CNBD2: variants seen among roughly 807,000 people sequenced by gnomAD.
CNBD2 encodes the protein cyclic nucleotide binding domain containing 2.
CNBD2 carries 64 observed loss-of-function variants against 63.7 expected under a neutral mutation model. That is an observed-to-expected ratio of 1.00 (90% confidence interval 0.82 to 1.24). CNBD2 has a LOEUF of 1.24. Among genes scored for constraint, CNBD2 ranks in the 50% most tolerant of loss-of-function variants. The pLI is 0.00. For synonymous variants in CNBD2, 229 were observed against 255.4 expected (o/e 0.90, Z 0.99); for missense variants, 691 against 713.5 (o/e 0.97, Z 0.36).
At chr20:35,954,626 GGC>G (rs1282513491), upstream of CNBD2, 1 of 1,330,300 alleles carries the variant, frequency 7.5e-7, no homozygotes, top group Non-Finnish European at 9.8e-7. Context: ...AGCTGCGCGT[GGC>G]CTGGGCTCCT....
intron 11 of CNBD2, among the ~76,000 whole-genome samples, chr20:36,025,976 A>T (rs2057278078): frequency 6.6e-6 from 1 of 152,168 alleles, no homozygotes. Context: ...TACTATTCAC[A>T]TACTCTAGTG....
upstream of CNBD2, among the ~76,000 whole-genome samples, chr20:35,965,052 C>A (rs2056335076): frequency 6.6e-6 from 1 of 152,160 alleles, no homozygotes; most frequent in African/African-American, 2.4e-5. Context: ...GAGGATTTTA[C>A]TTCCCCACCA....
chr20:35,992,033 A>G (rs1220871331), intron 7 of CNBD2, among the ~76,000 whole-genome samples: 1 of 152,078 alleles, frequency 6.6e-6, no homozygotes, highest in African/African-American at 2.4e-5. Flanking sequence ...GGTGCCCGCC[A>G]CCAGGCCTGG....
At chr20:35,968,224 A>T (rs937711227), upstream of CNBD2, among the ~76,000 whole-genome samples, 2 of 152,150 alleles carry the variant, frequency 1.3e-5, no homozygotes, top group Non-Finnish European at 2.9e-5. Context: ...GGGTTTTTAG[A>T]GTTTTCTAGG....
intron 8 of CNBD2, among the ~76,000 whole-genome samples, chr20:35,997,510 G>A (rs1225066559): frequency 6.6e-6 from 1 of 152,168 alleles, no homozygotes; most frequent in Non-Finnish European, 1.5e-5. Context: ...CATAGGCTTG[G>A]AGTCCACTGC....
chr20:36,010,215 T>C (rs1040684990), intron 9 of CNBD2, among the ~76,000 whole-genome samples: 1 of 152,002 alleles, frequency 6.6e-6, no homozygotes, highest in Admixed American at 6.6e-5. Context: ...GAAATTGAAG[T>C]GTCATAATGA....
chr20:36,008,288 C>T lies in CNBD2; in HGVS notation c.971-9C>T. ...CCATAAGTATCTTTTCCTGTGCTTT[C>T]TCTAACAGAATACTCTCCTATGGAA... is the stretch of plus-strand genomic sequence containing the variant. On this transcript the variant is annotated splice_polypyrimidine_tract_variant and intron_variant, in intron 8 of 11. Transcript: ENST00000373973. 6.3e-7 allele frequency: 1 copy of T among 1,599,212 alleles called. No individual in the cohort carries two copies. The highest frequency in any genetic ancestry group is 8.5e-7 in the Non-Finnish European group (1 of 1,173,948).
At chr20:36,002,841 G>A (rs2056933398) in intron 8 of CNBD2, among the ~76,000 whole-genome samples, 1 of 151,844 alleles carries the variant, frequency 6.6e-6, no homozygotes, top group African/African-American at 2.4e-5. Context: ...AAAATTATTT[G>A]TCTCTCCCTC....
chr20:36,030,319 C>T (rs759968037), intron 11 of CNBD2, 38 bp from the exon 12 acceptor site: 6 of 1,605,454 alleles, frequency 3.7e-6, no homozygotes, highest in Middle Eastern at 1.7e-4. Flanking sequence ...AGGGGCGGGA[C>T]TGGCATGAGA....
chr20:36,017,974 G>C (rs1342902927), intron 10 of CNBD2, among the ~76,000 whole-genome samples: 1 of 152,210 alleles, frequency 6.6e-6, no homozygotes, highest in Non-Finnish European at 1.5e-5. Context: ...TGTTTTAGTG[G>C]TCTTATTTTT....
chr20:35,962,446 G>C (rs2056316200), intron 2 of CNBD2, among the ~76,000 whole-genome samples: 1 of 152,046 alleles, frequency 6.6e-6, no homozygotes, highest in Non-Finnish European at 1.5e-5. Context: ...ATTTTTGATA[G>C]AGATGGGGTT....
chr20:35,968,602 C>A lies in CNBD2; in HGVS notation c.-161C>A. The A allele has an allele frequency of 3.6e-6, 2 of 560,716 alleles. No individual in the cohort carries two copies. Among genetic ancestry groups the A allele is most frequent in the Non-Finnish European group, 6.5e-6 (2 of 309,284 alleles). 34.7% of individuals were successfully genotyped at this position (560,716 alleles called of 1,614,324 possible). On this transcript the variant is annotated 5_prime_UTR_variant, in exon 1 of 12. Transcript: ENST00000373973. Reference sequence around the variant, plus strand: ...AATGATTTTTCTCAGAGCAGGGCTTCCAGTAGCTGATGGTATGGTAGGAGG... The same window carrying A: ...AATGATTTTTCTCAGAGCAGGGCTTACAGTAGCTGATGGTATGGTAGGAGG...
At chr20:35,957,279 A>C (rs2056266009), downstream of CNBD2, among the ~76,000 whole-genome samples, 1 of 152,120 alleles carries the variant, frequency 6.6e-6, no homozygotes, top group Admixed American at 6.5e-5. Flanking sequence ...GGAGGGAATA[A>C]ATGAAACAAG....
rs189438213 is a variant in CNBD2, at chr20:36,017,855, C to T, written c.1270-5747C>T. Among the ~76,000 whole-genome samples the T allele has an allele frequency of 2.3e-3, 344 of 152,294 alleles. 3 individuals are homozygous for T. Among genetic ancestry groups the T allele is most frequent in the African/African-American group, 7.9e-3 (330 of 41,572 alleles). On this transcript the variant is annotated intron_variant, in intron 10 of 11. Coordinates refer to ENST00000373973, the MANE Select transcript of CNBD2 (RefSeq NM_001365709.1). ...CTGCCCCACCTCTGCGCCCACACACCGCTCCTCCTGCCACTCAGCTCTGTC... is the reference window on the plus strand; with the variant it reads ...CTGCCCCACCTCTGCGCCCACACACTGCTCCTCCTGCCACTCAGCTCTGTC...
intron 2 of CNBD2, chr20:35,973,469 G>A (rs1271494492): frequency 6.6e-6 from 1 of 152,286 alleles, no homozygotes; most frequent in Non-Finnish European, 1.5e-5. Context: ...GGAGTGCAGT[G>A]GCGCGTCTTG....
downstream of CNBD2, chr20:35,955,422 C>T (rs2056245330): frequency 6.6e-6 from 1 of 152,160 alleles, no homozygotes; most frequent in Admixed American, 6.5e-5. Flanking sequence ...ATTGCATGTG[C>T]AGTTTACATT....
intron 4 of CNBD2, among the ~76,000 whole-genome samples, chr20:35,981,743 C>T (rs1400751835): frequency 6.6e-6 from 1 of 152,064 alleles, no homozygotes; most frequent in Non-Finnish European, 1.5e-5. Context: ...CCTGGCTTGC[C>T]TCTTTCCTAC....
chr20:36,011,500 C>CCA (rs2057061266), intron 10 of CNBD2, among the ~76,000 whole-genome samples: 1 of 152,120 alleles, frequency 6.6e-6, no homozygotes, highest in South Asian at 2.1e-4. Flanking sequence ...GCCTGACCAA[C>CCA]ATGGTGAAAC....
upstream of CNBD2, among the ~76,000 whole-genome samples, chr20:35,964,181 T>C (rs1402737338): frequency 1.3e-5 from 2 of 151,996 alleles, no homozygotes; most frequent in Non-Finnish European, 2.9e-5. Flanking sequence ...CATATATCTT[T>C]TTTTCTTTTT....
Sources: gnomAD v4.1 joint callset for allele counts (sites outside exome capture counted in the v4.1 genomes callset) on GRCh38, gnomAD v4.1.1 for gene constraint, MANE v1.5 for transcripts, NCBI Gene and HGNC (gene_info 2026-07-23, HGNC 2026-07-21) for gene names.